OPHN1: variants seen among roughly 807,000 people sequenced by gnomAD.
OPHN1 encodes the protein oligophrenin-1.
OPHN1 carries 11 observed loss-of-function variants against 60.7 expected under a neutral mutation model. The observed-to-expected ratio is 0.18, with a 90% CI of 0.11 to 0.30. The LOEUF is 0.30. Among genes scored for constraint, OPHN1 ranks in the 10% least tolerant of loss-of-function variants. The probability of loss-of-function intolerance (pLI) is 1.00; values close to 1 mark genes in which losing one functional copy is unlikely to be tolerated. For missense variants in OPHN1, 449 were observed against 611.0 expected (o/e 0.73, Z 2.80); for synonymous variants, 226 against 222.6 (o/e 1.02, Z -0.14).
intron 9 of OPHN1, among the ~76,000 whole-genome samples, chrX:68,209,512 G>A (rs1387384484): frequency 1.8e-5 from 2 of 111,742 alleles, no homozygotes; most frequent in African/African-American, 6.5e-5. Context: ...GCTGTAGTGA[G>A]CTATGATGGT....
rs778219073 is a variant in OPHN1 at position 68,071,522 on chromosome X, C to T, written c.1834+1630G>A. 25 of 645,289 alleles carry T rather than the reference C, an allele frequency of 3.9e-5. 1 individual carries two copies. In the South Asian group the frequency reaches 3.9e-4, roughly 10 times the overall value. 53.2% of individuals were successfully genotyped at this position (645,289 alleles called of 1,213,427 possible). ...TTGCCCAGCAGAGATTTGAATTCTA[C>T]AGCAAATGGCTCTAAGGAGTATTGT... On this transcript the variant is annotated intron_variant, in intron 20 of 24. Transcript: ENST00000355520.
chrX:68,074,843 G>A (rs144888203), intron 19 of OPHN1, among the ~76,000 whole-genome samples: 148 of 111,374 alleles, frequency 1.3e-3, no homozygotes, highest in Middle Eastern at 9.5e-3. Flanking sequence ...CTAGAAGAGG[G>A]ACTGGAATTG....
At chrX:68,123,865 G>T (rs1202908995) in intron 15 of OPHN1, among the ~76,000 whole-genome samples, 1 of 110,405 alleles carries the variant, frequency 9.1e-6, no homozygotes, top group Non-Finnish European at 1.9e-5. Flanking sequence ...TAATAAAATG[G>T]GACGGAGTAA....
At chrX:68,252,723 T>C (rs1290340936) in intron 5 of OPHN1, among the ~76,000 whole-genome samples, 2 of 111,945 alleles carry the variant, frequency 1.8e-5, no homozygotes, top group East Asian at 5.6e-4. Context: ...AACAATTTCC[T>C]TTTAACTATT....
At chrX:68,348,310 C>T (rs937027676) in intron 2 of OPHN1, among the ~76,000 whole-genome samples, 1 of 88,895 alleles carries the variant, frequency 1.1e-5, no homozygotes, top group African/African-American at 7.5e-5. Flanking sequence ...CAAAGAGAAA[C>T]ACATCTAATT....
chrX:68,160,405 A>AT (rs1376766505), intron 15 of OPHN1, among the ~76,000 whole-genome samples: 1 of 111,650 alleles, frequency 9.0e-6, no homozygotes, highest in Non-Finnish European at 1.9e-5. Flanking sequence ...AATAGAAGAC[A>AT]TTAATAGGCC....
At chrX:68,077,479 T>C (rs1392964849) in intron 19 of OPHN1, among the ~76,000 whole-genome samples, 3 of 112,464 alleles carry the variant, frequency 2.7e-5, no homozygotes, top group Non-Finnish European at 3.8e-5. Context: ...TGAGGAATAT[T>C]ACACAACTGT....
At chrX:68,089,522 A>C (rs2077008374) in intron 19 of OPHN1, among the ~76,000 whole-genome samples, 1 of 111,859 alleles carries the variant, frequency 8.9e-6, no homozygotes, top group Admixed American at 9.5e-5. Flanking sequence ...TTTGTGTCAA[A>C]TGTATAGCAC....
At chrX:68,340,868 G>T (rs895410778) in intron 2 of OPHN1, among the ~76,000 whole-genome samples, 1 of 108,921 alleles carries the variant, frequency 9.2e-6, no homozygotes, top group Non-Finnish European at 1.9e-5. Flanking sequence ...AGCCAGGCAT[G>T]GTGGTGGGTG....
chrX:68,181,537 T>A (rs1486481557), intron 15 of OPHN1, among the ~76,000 whole-genome samples: 1 of 111,425 alleles, frequency 9.0e-6, no homozygotes, highest in African/African-American at 3.3e-5. Context: ...AAATTTGGCA[T>A]CCCTAGGCCA....
intron 5 of OPHN1, among the ~76,000 whole-genome samples, chrX:68,250,627 C>T (rs1034051076): frequency 8.1e-5 from 9 of 111,487 alleles, no homozygotes; most frequent in Non-Finnish European, 1.5e-4. Flanking sequence ...GTTTTTGTTG[C>T]TGTTGTTCCT....
chrX:68,343,620 T>C (rs2078365589), intron 2 of OPHN1, among the ~76,000 whole-genome samples: 1 of 109,896 alleles, frequency 9.1e-6, no homozygotes, highest in Admixed American at 9.8e-5. Context: ...AAAACTGTCA[T>C]ATAAGAATTG....
chrX:68,216,506 C>G lies in OPHN1; in HGVS notation c.487-2534G>C, dbSNP rs368135597. Among the ~76,000 whole-genome samples, 13 of 110,792 alleles carry G rather than the reference C, an allele frequency of 1.2e-4. No homozygotes were observed. The East Asian group carries it at 3.4e-3, about 29-fold the overall frequency. On this transcript the variant is annotated intron_variant, in intron 6 of 24. Coordinates refer to ENST00000355520, the MANE Select transcript of OPHN1 (RefSeq NM_002547.3). ...AAGATATCATTTTAAATAAGATACA[C>G]AAAAATGTTAGACCTGAAACCATAA...
At chrX:68,144,882 T>C (rs1477515648) in intron 15 of OPHN1, among the ~76,000 whole-genome samples, 1 of 112,043 alleles carries the variant, frequency 8.9e-6, no homozygotes, top group Non-Finnish European at 1.9e-5. Flanking sequence ...ATATGGATCA[T>C]TTCATGACTC....
At chrX:68,132,755 A>AT in intron 15 of OPHN1, 2 of 136,138 alleles carry the variant, frequency 1.5e-5, no homozygotes, top group Non-Finnish European at 1.4e-5. Flanking sequence ...AAAAAAAAAA[A>AT]GAAAAAAAGA....
At chrX:68,125,127 T>C (rs774833109) in intron 15 of OPHN1, among the ~76,000 whole-genome samples, 6 of 111,580 alleles carry the variant, frequency 5.4e-5, no homozygotes, top group Non-Finnish European at 9.4e-5. Context: ...AGAAGAAAAC[T>C]GAACATTTTC....
intron 4 of OPHN1, among the ~76,000 whole-genome samples, chrX:68,282,109 C>G (rs1483828482): frequency 8.9e-6 from 1 of 112,145 alleles, no homozygotes; most frequent in Non-Finnish European, 1.9e-5. Context: ...AAATTTGTAT[C>G]AACACAAAAA....
intron 2 of OPHN1, among the ~76,000 whole-genome samples, chrX:68,406,504 C>T (rs1009303622): frequency 9.1e-6 from 1 of 110,215 alleles, no homozygotes; most frequent in Non-Finnish European, 1.9e-5. Flanking sequence ...CCCAGCTACT[C>T]AGGAGGCTGA....
intron 15 of OPHN1, among the ~76,000 whole-genome samples, chrX:68,151,819 C>T (rs1444316730): frequency 9.0e-6 from 1 of 111,691 alleles, no homozygotes; most frequent in African/African-American, 3.3e-5. Context: ...TAAAGAACTA[C>T]CTCAGACTAG....
Sources: allele counts gnomAD v4.1 joint callset (sites outside exome capture counted in the v4.1 genomes callset), GRCh38; gene constraint gnomAD v4.1.1; transcripts MANE v1.5; gene names NCBI Gene and HGNC (gene_info 2026-07-23, HGNC 2026-07-21).